TC2N: variants seen among roughly 807,000 people sequenced by gnomAD.
TC2N encodes the protein tandem C2 domains, nuclear.
In TC2N, 51 loss-of-function variants were observed where a neutral mutation model predicts 61.9. The observed-to-expected ratio is 0.82, with a 90% CI of 0.66 to 1.04. The LOEUF (loss-of-function observed/expected upper bound fraction) is 1.04, where lower values mean the gene tolerates loss of function less well. Ranked by LOEUF, TC2N falls within the 50% of genes least tolerant of loss-of-function variation. The pLI is 0.00. For synonymous variants in TC2N, 204 were observed against 192.6 expected (o/e 1.06, Z -0.49); for missense variants, 556 against 566.7 (o/e 0.98, Z 0.19).
chr14:91,809,532 T>C (rs956925240), intron 3 of TC2N, among the ~76,000 whole-genome samples: 24 of 151,796 alleles, frequency 1.6e-4, no homozygotes, highest in Admixed American at 6.6e-5. Flanking sequence ...CTGAAGGCAA[T>C]GAAGAGTAAA....
chr14:91,848,266 A>G (rs978319183), intron 1 of TC2N, among the ~76,000 whole-genome samples: 1 of 152,222 alleles, frequency 6.6e-6, no homozygotes, highest in African/African-American at 2.4e-5. Flanking sequence ...GATATCTGAA[A>G]GAAGGGACAG....
intron 1 of TC2N, among the ~76,000 whole-genome samples, chr14:91,847,119 G>A (rs1190397735): frequency 4.6e-5 from 7 of 152,102 alleles, no homozygotes; most frequent in South Asian, 4.1e-4. Flanking sequence ...TTAGCCAGGC[G>A]TTGTGGTGGG....
chr14:91,798,384 G>C lies in TC2N; in HGVS notation c.653C>G (p.Ser218Ter). 16 of 1,561,790 alleles carry C rather than the reference G, an allele frequency of 1.0e-5. No individual in the cohort carries two copies. The highest frequency in any genetic ancestry group is 1.3e-5 in the Non-Finnish European group (15 of 1,142,612). ...SNRSLDTITL[S>*]GDERDFGRLN... is the part of the protein sequence containing the mutation. ...TCTCCCAAAGTCCCTTTCATCTCCT[G>C]ATAGAGTAATTGTATCTGAATTATA... Residue 218 changes from serine (S) to a stop codon, truncating the protein, a stop_gained, in exon 7 of 12, where the codon TCA (serine) becomes TGA (stop). Coordinates refer to ENST00000435962, the MANE Select transcript of TC2N (RefSeq NM_001128596.3). LOFTEE classifies it high-confidence loss of function.
rs1214654358 is a variant in TC2N, at chr14:91,787,570, G to A, written c.1105C>T (p.Gln369Ter). The change falls in exon 10 of 12, where the codon CAG (glutamine) becomes TAG (stop). Residue 369 changes from glutamine to a stop codon, truncating the protein, a stop_gained. Coordinates refer to ENST00000435962, the MANE Select transcript of TC2N (RefSeq NM_001128596.3). LOFTEE classifies it high-confidence loss of function. The part of the protein sequence containing the change: ...TCFQAVNSRI[Q>*]LQILEARYLP... ...TACCGTGCCTCAAGAATTTGTAACT[G>A]AATTCTGCTATTTACTGCTTGAAAA... 1 of 1,612,858 alleles carries A rather than the reference G, an allele frequency of 6.2e-7. No homozygotes were observed. Among genetic ancestry groups the A allele is most frequent in the Admixed American group, 1.7e-5 (1 of 59,846 alleles).
At chr14:91,790,941 G>C (rs900552764) in intron 9 of TC2N, among the ~76,000 whole-genome samples, 3 of 151,892 alleles carry the variant, frequency 2.0e-5, no homozygotes, top group African/African-American at 7.3e-5. Flanking sequence ...ATACCAGAAA[G>C]GGCAATATAG....
chr14:91,788,975 T>C (rs1885498765), intron 9 of TC2N, among the ~76,000 whole-genome samples: 1 of 152,152 alleles, frequency 6.6e-6, no homozygotes, highest in South Asian at 2.1e-4. Context: ...AAAAAAACCT[T>C]TGCTGATTGA....
intron 3 of TC2N, among the ~76,000 whole-genome samples, chr14:91,808,001 G>A (rs1450325995): frequency 6.6e-6 from 1 of 152,070 alleles, no homozygotes; most frequent in Non-Finnish European, 1.5e-5. Flanking sequence ...TTTATAAGGG[G>A]TTTCCCCTTT....
chr14:91,864,874 T>C (rs994380757), intron 1 of TC2N, among the ~76,000 whole-genome samples: 2 of 147,816 alleles, frequency 1.4e-5, no homozygotes, highest in Non-Finnish European at 3.0e-5. Context: ...CTCTGCCTCC[T>C]GGGTTCAAGC....
In TC2N at chr14:91,802,165, T is replaced by C. The variant is rs531348204; in HGVS notation, c.469+89A>G. On this transcript the variant is annotated intron_variant, in intron 4 of 11. Transcript: ENST00000435962. ...CTTATTTTTAAAATGCTTTTAATAG[T>C]AAAAATCATTTATTCCCATATCTTA... is the stretch of plus-strand genomic sequence containing the variant. The C allele has an allele frequency of 8.0e-5, 99 of 1,231,970 alleles. No individual in the cohort carries two copies. The African/African-American group carries it at 1.5e-3, about 18-fold the overall frequency. 76.3% of individuals were successfully genotyped at this position (1,231,970 alleles called of 1,614,324 possible).
rs774285721 is a variant in TC2N, at chr14:91,812,509, T to C, written c.104A>G (p.Asn35Ser). ...TACAGAGATAGTAGCATTTTGACTATTTGGGACTGCTGCTTTAAAATCTCT... is the reference window on the plus strand; with the variant it reads ...TACAGAGATAGTAGCATTTTGACTACTTGGGACTGCTGCTTTAAAATCTCT... ...VERDFKAAVP[N>S]SQNATISVPP... Residue 35 changes from asparagine (N) to serine (S), a missense_variant, in exon 3 of 12, where the codon AAT becomes AGT. Asn to Ser is a conservative substitution (Grantham distance 46). Coordinates refer to ENST00000435962, the MANE Select transcript of TC2N (RefSeq NM_001128596.3). 1.1e-5 allele frequency: 18 copies of C among 1,597,890 alleles called. No homozygotes were observed. In the Admixed American group the frequency reaches 2.7e-4, roughly 24 times the overall value.
chr14:91,814,470 T>G (rs1886921638), intron 1 of TC2N, among the ~76,000 whole-genome samples: 5 of 136,994 alleles, frequency 3.6e-5, no homozygotes, highest in Non-Finnish European at 4.8e-5. Flanking sequence ...AGGAGAAGAG[T>G]AGAATGAAGC....
At chr14:91,803,443 T>TTTTA (rs1386736543) in intron 3 of TC2N, among the ~76,000 whole-genome samples, 3 of 128,514 alleles carry the variant, frequency 2.3e-5, no homozygotes, top group Non-Finnish European at 5.2e-5. Context: ...ATATATATAA[T>TTTTA]TTTATTTATT....
chr14:91,835,946 G>A (rs527550694), intron 1 of TC2N, among the ~76,000 whole-genome samples: 1 of 152,052 alleles, frequency 6.6e-6, no homozygotes, highest in African/African-American at 2.4e-5. Flanking sequence ...CACCGTCCCC[G>A]GTCACGGGTC....
intron 9 of TC2N, among the ~76,000 whole-genome samples, chr14:91,789,127 T>C (rs753016628): frequency 2.0e-5 from 3 of 152,186 alleles, no homozygotes; most frequent in Non-Finnish European, 4.4e-5. Flanking sequence ...ATAACACTTA[T>C]GAAAACACGT....
chr14:91,832,426 AC>A (rs1281615708), intron 1 of TC2N, among the ~76,000 whole-genome samples: 7 of 152,204 alleles, frequency 4.6e-5, no homozygotes, highest in Middle Eastern at 3.4e-3. Context: ...AAGTAAAAAA[AC>A]AACAACAAAA....
intron 11 of TC2N, 34 bp from the exon 12 acceptor site, chr14:91,783,244 G>T: frequency 8.2e-7 from 1 of 1,213,730 alleles, no homozygotes; most frequent in Non-Finnish European, 1.2e-6. Context: ...CATTTAACTT[G>T]ACACAATAAT....
At chr14:91,833,700 A>C (rs540264429) in intron 1 of TC2N, among the ~76,000 whole-genome samples, 130 of 152,272 alleles carry the variant, frequency 8.5e-4, no homozygotes, top group African/African-American at 2.9e-3. Flanking sequence ...TTTATTGGGT[A>C]TATGTTTGGG....
intron 1 of TC2N, among the ~76,000 whole-genome samples, chr14:91,820,888 T>C (rs1054135952): frequency 3.3e-5 from 5 of 151,958 alleles, no homozygotes; most frequent in African/African-American, 1.2e-4. Flanking sequence ...ACAAATACTT[T>C]AAGAAATGAA....
In TC2N at chr14:91,798,341, A is replaced by G. The variant is rs1383371008; in HGVS notation, c.696T>C (p.Phe232=). The G allele has an allele frequency of 6.3e-7, 1 of 1,596,888 alleles. No individual in the cohort carries two copies. The highest frequency in any genetic ancestry group is 8.5e-7 in the Non-Finnish European group (1 of 1,169,926). The part of the protein sequence containing the change: ...RDFGRLNVKL[F]YNSSVEQIWI... ...AGATCTGTTCTACTGAAGAATTATA[A>G]AACAATTTCACATTCAGTCTCCCAA... is the stretch of plus-strand genomic sequence containing the variant. The change falls in exon 7 of 12, where the codon TTT becomes TTC. Residue 232 remains phenylalanine, a synonymous_variant. Coordinates refer to ENST00000435962, the MANE Select transcript of TC2N (RefSeq NM_001128596.3).
Sources: allele counts gnomAD v4.1 joint callset (sites outside exome capture counted in the v4.1 genomes callset), GRCh38; gene constraint gnomAD v4.1.1; transcripts MANE v1.5; gene names NCBI Gene and HGNC (gene_info 2026-07-23, HGNC 2026-07-21).